GALNT2: variants seen among roughly 807,000 people sequenced by gnomAD.
The protein encoded by GALNT2 is UDP-GalNAc:polypeptide N-acetylgalactosaminyltransferase 2.
Under a neutral mutation model 81.4 loss-of-function variants are expected in GALNT2, and 31 were observed. The ratio of observed to expected loss-of-function variants is 0.38; its 90% CI spans 0.29 to 0.51. The LOEUF is 0.51. GALNT2 is among the 20% of genes least tolerant of loss of function. GALNT2 has a pLI of 0.87. For synonymous variants in GALNT2, 303 were observed against 287.4 expected, an observed-to-expected ratio of 1.05 and a Z score of -0.55; for missense variants, 629 against 765.7, an observed-to-expected ratio of 0.82 and a Z score of 2.11.
chr1:230,213,310 G>C (rs992705274), intron 3 of GALNT2, among the ~76,000 whole-genome samples: 3 of 152,180 alleles, frequency 2.0e-5, no homozygotes, highest in African/African-American at 7.2e-5. Flanking sequence ...TTACAACAGA[G>C]CTCTGTTCTT....
chr1:230,140,513 G>C (rs574767154), intron 1 of GALNT2, among the ~76,000 whole-genome samples: 68 of 152,316 alleles, frequency 4.5e-4, no homozygotes, highest in African/African-American at 1.6e-3. Flanking sequence ...TGAAGCTGCT[G>C]TCCGTTGCTA....
chr1:230,198,390 G>C (rs1663775726), intron 2 of GALNT2, among the ~76,000 whole-genome samples: 1 of 144,348 alleles, frequency 6.9e-6, no homozygotes, highest in Admixed American at 7.5e-5. Context: ...AGGAGTGGCA[G>C]GGGCAGGACA....
At chr1:230,155,124 G>A (rs188130217) in intron 1 of GALNT2, among the ~76,000 whole-genome samples, 43 of 152,234 alleles carry the variant, frequency 2.8e-4, no homozygotes, top group Middle Eastern at 3.4e-3. Context: ...CCGTTTCCGC[G>A]TGCAGTTTTC....
At chr1:230,251,732 C>G (rs139482385) in intron 10 of GALNT2, among the ~76,000 whole-genome samples, 1 of 152,192 alleles carries the variant, frequency 6.6e-6, no homozygotes, top group Non-Finnish European at 1.5e-5. Flanking sequence ...AGGCCAGGGT[C>G]GCCCAGTAGG....
chr1:230,126,950 T>G (rs776826323), intron 1 of GALNT2, among the ~76,000 whole-genome samples: 1 of 152,228 alleles, frequency 6.6e-6, no homozygotes, highest in Non-Finnish European at 1.5e-5. Flanking sequence ...AAACCATTCC[T>G]GTAAAATTGC....
intron 14 of GALNT2, 102 bp downstream of exon 14, chr1:230,265,469 G>A: frequency 7.3e-6 from 11 of 1,513,828 alleles, no homozygotes; most frequent in Non-Finnish European, 1.0e-5. Flanking sequence ...CTCCTGGGAT[G>A]GGTGATGTCT....
intron 4 of GALNT2, 73 bp downstream of exon 4, chr1:230,236,185 G>A: frequency 6.7e-7 from 1 of 1,486,950 alleles, no homozygotes; most frequent in Non-Finnish European, 9.3e-7. Flanking sequence ...GTCAGACCAG[G>A]GCTGTCAGTG....
chr1:230,222,622 A>AT (rs543941369), intron 3 of GALNT2, among the ~76,000 whole-genome samples: 1 of 151,500 alleles, frequency 6.6e-6, no homozygotes, highest in African/African-American at 2.4e-5. Context: ...GTCATTGGAG[A>AT]TTTTTTTCTC....
chr1:230,230,842 G>C (rs1350818169), intron 3 of GALNT2, among the ~76,000 whole-genome samples: 4 of 152,158 alleles, frequency 2.6e-5, no homozygotes, highest in Non-Finnish European at 5.9e-5. Flanking sequence ...ATTCATCTAG[G>C]AGTTTTTCCT....
At chr1:230,188,856 A>G (rs1443950958) in intron 2 of GALNT2, among the ~76,000 whole-genome samples, 1 of 152,226 alleles carries the variant, frequency 6.6e-6, no homozygotes, top group Admixed American at 6.5e-5. Flanking sequence ...CTGATAGAGA[A>G]GAATGTCATT....
chr1:230,207,832 T>C (rs988655155), intron 3 of GALNT2, among the ~76,000 whole-genome samples: 4 of 152,188 alleles, frequency 2.6e-5, no homozygotes, highest in Admixed American at 6.5e-5. Context: ...TCTCCCGCCT[T>C]GGCCTCCCAA....
At chr1:230,158,783 C>G (rs1242832228) in intron 1 of GALNT2, among the ~76,000 whole-genome samples, 1 of 152,236 alleles carries the variant, frequency 6.6e-6, no homozygotes, top group Non-Finnish European at 1.5e-5. Flanking sequence ...CCCGCCACCT[C>G]CCATCACAGA....
intron 10 of GALNT2, among the ~76,000 whole-genome samples, chr1:230,251,569 T>C (rs16851225): frequency 0.017 from 2,519 of 152,232 alleles, 66 homozygotes; most frequent in African/African-American, 0.058. Context: ...AAACTCCTTT[T>C]GGGTTGTTTT....
chr1:230,152,216 C>T (rs1040491153), intron 1 of GALNT2, among the ~76,000 whole-genome samples: 25 of 152,300 alleles, frequency 1.6e-4, no homozygotes, highest in African/African-American at 5.3e-4. Flanking sequence ...GTTGCTTTGG[C>T]TCACATGCCT....
chr1:230,080,038 T>C (rs1659679819), intron 1 of GALNT2, among the ~76,000 whole-genome samples: 4 of 152,212 alleles, frequency 2.6e-5, no homozygotes, highest in Admixed American at 2.6e-4. Flanking sequence ...TGGTAATAAA[T>C]GTGACTTGGC....
intron 2 of GALNT2, among the ~76,000 whole-genome samples, chr1:230,198,417 C>T (rs1026117267): frequency 2.2e-5 from 3 of 135,804 alleles, no homozygotes; most frequent in Non-Finnish European, 4.7e-5. Flanking sequence ...CAGGAGAGTA[C>T]GAGGAGTGGC....
Position 230,193,406 on chromosome 1 carries a change from G to T in GALNT2, c.221-9731G>T, listed in dbSNP as rs1663588703. On this transcript the variant is annotated intron_variant, in intron 2 of 15. Coordinates refer to ENST00000366672, the MANE Select transcript of GALNT2 (RefSeq NM_004481.5). This position sits in a 1 kb window ranked among gnomAD's most constrained non-coding sequence, Gnocchi z 4.3. Reference sequence around the variant, plus strand: ...TGTCCTGATCTGCTGCTGAAGGACAGTCGCAACTGAGAGTCCTCTAAAGAC... The same window carrying T: ...TGTCCTGATCTGCTGCTGAAGGACATTCGCAACTGAGAGTCCTCTAAAGAC... 6.6e-6 allele frequency among the ~76,000 whole-genome samples: 1 copy of T among 152,226 alleles called. No individual in the cohort carries two copies. Among genetic ancestry groups the T allele is most frequent in the African/African-American group, 2.4e-5 (1 of 41,454 alleles).
intron 11 of GALNT2, among the ~76,000 whole-genome samples, chr1:230,261,294 A>G (rs1256556836): frequency 6.6e-6 from 1 of 152,220 alleles, no homozygotes; most frequent in Non-Finnish European, 1.5e-5. Context: ...AAAAGTATAT[A>G]TATCACCTTA....
At chr1:230,245,031 G>A (rs1665321823) in intron 7 of GALNT2, among the ~76,000 whole-genome samples, 1 of 152,178 alleles carries the variant, frequency 6.6e-6, no homozygotes, top group South Asian at 2.1e-4. Flanking sequence ...GCACAGTCCA[G>A]GGTCTCTCAC....
Sources: gnomAD v4.1 joint callset for allele counts (sites outside exome capture counted in the v4.1 genomes callset) on GRCh38, gnomAD v4.1.1 for gene constraint, Gnocchi (gnomAD v3.1) non-coding constraint, MANE v1.5 for transcripts, NCBI Gene and HGNC (gene_info 2026-07-23, HGNC 2026-07-21) for gene names.